The following ANO3 variants were observed in gnomAD, a reference collection of about 807,000 sequenced individuals.
The protein encoded by ANO3 is anoctamin-3.
A neutral mutation model predicts 144.8 loss-of-function variants in ANO3; 99 were observed. The ratio of observed to expected loss-of-function variants is 0.68; its 90% CI spans 0.58 to 0.81. The LOEUF (loss-of-function observed/expected upper bound fraction) is 0.81, where lower values mean the gene tolerates loss of function less well. Ranked by LOEUF, ANO3 falls within the 30% of genes least tolerant of loss-of-function variation. ANO3 has a pLI of 0.00. For missense variants in ANO3, 905 were observed against 1,202.2 expected (o/e 0.75, Z 3.66); for synonymous variants, 414 against 392.6 (o/e 1.05, Z -0.64).
intron 17 of ANO3, among the ~76,000 whole-genome samples, chr11:26,610,111 A>T (rs1489701502): frequency 9.2e-5 from 14 of 151,786 alleles, no homozygotes; most frequent in Admixed American, 9.2e-4. Flanking sequence ...GGGTTTCTCC[A>T]TGTTGGTCAG....
At chr11:26,533,695 A>C (rs1489446951) in intron 8 of ANO3, among the ~76,000 whole-genome samples, 1 of 152,194 alleles carries the variant, frequency 6.6e-6, no homozygotes, top group Admixed American at 6.5e-5. Context: ...GACCCAGAAC[A>C]AAAAGCTGGA....
chr11:26,534,295 A>G (rs1849447712), intron 8 of ANO3, among the ~76,000 whole-genome samples, 161 bp from the exon 9 acceptor site: 1 of 152,214 alleles, frequency 6.6e-6, no homozygotes, highest in Admixed American at 6.5e-5. Context: ...AATGCCTTGT[A>G]TTATTTATGA....
chr11:26,346,094 T>C (rs1414629799), intron 1 of ANO3, among the ~76,000 whole-genome samples: 1 of 152,180 alleles, frequency 6.6e-6, no homozygotes, highest in Non-Finnish European at 1.5e-5. Flanking sequence ...ATTTACACTT[T>C]GAGGCAAATC....
At chr11:26,459,148 G>A (rs1478701294) in intron 3 of ANO3, among the ~76,000 whole-genome samples, 1 of 152,082 alleles carries the variant, frequency 6.6e-6, no homozygotes, top group Admixed American at 6.6e-5. Flanking sequence ...GGATTGGAGG[G>A]CATGAGGGTA....
chr11:26,442,628 G>A (rs1362478938), intron 2 of ANO3, among the ~76,000 whole-genome samples: 5 of 152,128 alleles, frequency 3.3e-5, no homozygotes, highest in African/African-American at 9.7e-5. Context: ...ACAAAGAAAC[G>A]CTGTGGCTAC....
chr11:26,636,627 T>C (rs918879954), intron 20 of ANO3, among the ~76,000 whole-genome samples: 1 of 152,206 alleles, frequency 6.6e-6, no homozygotes, highest in African/African-American at 2.4e-5. Flanking sequence ...TTCCCTACAA[T>C]TGTACAAACA....
intron 13 of ANO3, among the ~76,000 whole-genome samples, chr11:26,555,697 C>G (rs1046787504): frequency 1.3e-5 from 2 of 152,104 alleles, no homozygotes; most frequent in African/African-American, 4.8e-5. Flanking sequence ...TAAAATGTAG[C>G]TACTTGTTTT....
chr11:26,366,453 T>C (rs946314682), intron 1 of ANO3, among the ~76,000 whole-genome samples: 2 of 152,186 alleles, frequency 1.3e-5, no homozygotes, highest in African/African-American at 2.4e-5. Context: ...TAAACATACA[T>C]GTGCATGTGT....
At chr11:26,645,290 T>C (rs999993470) in intron 23 of ANO3, among the ~76,000 whole-genome samples, 1 of 152,050 alleles carries the variant, frequency 6.6e-6, no homozygotes, top group Admixed American at 6.6e-5. Context: ...TTTTTGAACT[T>C]ATTTTGTTTC....
At chr11:26,435,919 C>G (rs1341780100) in intron 1 of ANO3, among the ~76,000 whole-genome samples, 7 of 152,102 alleles carry the variant, frequency 4.6e-5, no homozygotes, top group Admixed American at 3.9e-4. Context: ...GGTTAACAAC[C>G]CTTGTTGGAG....
chr11:26,282,815 A>G (rs11029470), intron 1 of ANO3, among the ~76,000 whole-genome samples: 9,134 of 152,196 alleles, frequency 0.06, 508 homozygotes, highest in African/African-American at 0.15. Flanking sequence ...TATAAATAGA[A>G]AATTAGAAAG....
chr11:26,226,052 A>T (rs576713515), intron 1 of ANO3, among the ~76,000 whole-genome samples: 19 of 152,042 alleles, frequency 1.2e-4, no homozygotes, highest in Admixed American at 1.2e-3. Flanking sequence ...AGTATGTACA[A>T]CCCCTACAAG....
chr11:26,272,193 A>G (rs756445963), intron 1 of ANO3, among the ~76,000 whole-genome samples: 1 of 152,054 alleles, frequency 6.6e-6, no homozygotes, highest in Non-Finnish European at 1.5e-5. Flanking sequence ...TGAATAACAC[A>G]TGGGATCCAT....
chr11:26,521,983 G>C (rs974758359), intron 6 of ANO3, among the ~76,000 whole-genome samples: 2 of 152,196 alleles, frequency 1.3e-5, no homozygotes, highest in Non-Finnish European at 1.5e-5. Flanking sequence ...AGGAGATGGA[G>C]ACCATCCTGG....
chr11:26,578,243 C>T (rs1268989050), intron 14 of ANO3, among the ~76,000 whole-genome samples: 1 of 152,068 alleles, frequency 6.6e-6, no homozygotes, highest in African/African-American at 2.4e-5. Context: ...AGATGACTAC[C>T]ACAAGGAGTG....
intron 1 of ANO3, among the ~76,000 whole-genome samples, chr11:26,278,541 C>G (rs1321956743): frequency 6.6e-6 from 1 of 152,022 alleles, no homozygotes; most frequent in Non-Finnish European, 1.5e-5. Context: ...TTGTCACTCA[C>G]GTAGGCTCAA....
intron 5 of ANO3, among the ~76,000 whole-genome samples, chr11:26,514,392 A>G (rs929241593): frequency 3.3e-5 from 5 of 152,118 alleles, no homozygotes; most frequent in Non-Finnish European, 5.9e-5. Context: ...TTTATTAGGC[A>G]TGGGCACTTT....
At chr11:26,254,321 T>C (rs1853006622) in intron 1 of ANO3, among the ~76,000 whole-genome samples, 1 of 152,022 alleles carries the variant, frequency 6.6e-6, no homozygotes, top group African/African-American at 2.4e-5. Flanking sequence ...TAGAATGACC[T>C]CAAATCGAGA....
At chr11:26,392,144 T>G (rs1283564562) in intron 1 of ANO3, among the ~76,000 whole-genome samples, 1 of 152,110 alleles carries the variant, frequency 6.6e-6, no homozygotes, top group Non-Finnish European at 1.5e-5. Flanking sequence ...CTTTCAGCTC[T>G]TTTCATAATA....
Sources: gnomAD v4.1 joint callset for allele counts (sites outside exome capture counted in the v4.1 genomes callset) on GRCh38, gnomAD v4.1.1 for gene constraint, MANE v1.5 for transcripts, NCBI Gene and HGNC (gene_info 2026-07-23, HGNC 2026-07-21) for gene names.